DPYSL3: variants seen among roughly 807,000 people sequenced by gnomAD.
DPYSL3 encodes dihydropyrimidinase-related protein 3.
DPYSL3 carries 16 observed loss-of-function variants against 66.1 expected under a neutral mutation model. The ratio of observed to expected loss-of-function variants is 0.24; its 90% CI spans 0.16 to 0.37. DPYSL3 has a LOEUF of 0.37. Ranked by LOEUF, DPYSL3 falls within the 10% of genes least tolerant of loss-of-function variation. The probability of loss-of-function intolerance (pLI) is 1.00; values close to 1 mark genes in which losing one functional copy is unlikely to be tolerated. For missense variants in DPYSL3, 738 were observed against 916.2 expected (o/e 0.81, Z 2.51); for synonymous variants, 338 against 345.1 (o/e 0.98, Z 0.23).
At chr5:147,409,728 G>A (rs1044182487) in intron 6 of DPYSL3, among the ~76,000 whole-genome samples, 1 of 152,136 alleles carries the variant, frequency 6.6e-6, no homozygotes, top group African/African-American at 2.4e-5. Context: ...ATTAAGACTG[G>A]TCCCTATGAA....
At chr5:147,459,472 T>C (rs1268742022) in intron 1 of DPYSL3, among the ~76,000 whole-genome samples, 1 of 152,076 alleles carries the variant, frequency 6.6e-6, no homozygotes, top group African/African-American at 2.4e-5. Flanking sequence ...ACAAAGGAAA[T>C]CTCAGTCATG....
In DPYSL3 at chr5:147,509,061, C is replaced by G. The variant is rs1428511834; in HGVS notation, c.381+417G>C. Among the ~76,000 whole-genome samples, 8 of 152,148 alleles carry G rather than the reference C, an allele frequency of 5.3e-5. No individual in the cohort carries two copies. The highest frequency in any genetic ancestry group is 1.0e-4 in the Non-Finnish European group (7 of 68,032). ...CATATTCCCAGCATCACTTTGCCCT[C>G]TGCCGTGGTGACCCGGGTTGAGATT... On this transcript the variant is annotated intron_variant, in intron 1 of 13. Coordinates refer to ENST00000343218, the MANE Select transcript of DPYSL3 (RefSeq NM_001197294.2). The surrounding 1 kb of genome is among the most constrained non-coding windows in gnomAD (Gnocchi z 5.3).
intron 1 of DPYSL3, among the ~76,000 whole-genome samples, chr5:147,442,606 T>C (rs1752554387): frequency 6.6e-6 from 1 of 152,170 alleles, no homozygotes; most frequent in African/African-American, 2.4e-5. Flanking sequence ...AATAAATCTG[T>C]CATTTCATTT....
intron 6 of DPYSL3, among the ~76,000 whole-genome samples, chr5:147,409,551 A>C (rs1751802257): frequency 6.6e-6 from 1 of 152,238 alleles, no homozygotes; most frequent in Non-Finnish European, 1.5e-5. Context: ...GACATGGCAG[A>C]AGAAGTGCAT....
At chr5:147,411,453 A>T (rs1376893134) in intron 6 of DPYSL3, among the ~76,000 whole-genome samples, 1 of 152,170 alleles carries the variant, frequency 6.6e-6, no homozygotes, top group African/African-American at 2.4e-5. Context: ...CCACTGAGGT[A>T]TATCACCTTA....
intron 1 of DPYSL3, among the ~76,000 whole-genome samples, chr5:147,432,047 A>G (rs895463305): frequency 1.3e-5 from 2 of 152,168 alleles, no homozygotes; most frequent in African/African-American, 2.4e-5. Context: ...GAAATTGGGC[A>G]TAGTTTACCA....
At chr5:147,443,944 A>G (rs1231020048) in intron 1 of DPYSL3, among the ~76,000 whole-genome samples, 1 of 152,148 alleles carries the variant, frequency 6.6e-6, no homozygotes, top group Non-Finnish European at 1.5e-5. Flanking sequence ...GATGCCAAGC[A>G]GTGCTAAGGA....
rs545546742 is a variant in DPYSL3, at chr5:147,495,399, G to A, written c.381+14079C>T. Among the ~76,000 whole-genome samples, 3 of 152,282 alleles carry A rather than the reference G, an allele frequency of 2.0e-5. No individual in the cohort carries two copies. The East Asian group carries it at 5.8e-4, about 29-fold the overall frequency. Reference sequence around the variant, plus strand: ...CATAGTGTTGGAAGTTCTGGCCAGGGCAATTAGGCAGGAGAAGGAAATAAA... The same window carrying A: ...CATAGTGTTGGAAGTTCTGGCCAGGACAATTAGGCAGGAGAAGGAAATAAA... On this transcript the variant is annotated intron_variant, in intron 1 of 13. Coordinates refer to ENST00000343218, the MANE Select transcript of DPYSL3 (RefSeq NM_001197294.2).
chr5:147,501,213 AG>A (rs1395297492), intron 1 of DPYSL3, among the ~76,000 whole-genome samples: 1 of 152,210 alleles, frequency 6.6e-6, no homozygotes, highest in Non-Finnish European at 1.5e-5. Flanking sequence ...CAATCTGAAA[AG>A]TCTACATACT....
At chr5:147,437,304 C>T (rs536752931) in intron 1 of DPYSL3, among the ~76,000 whole-genome samples, 2 of 152,288 alleles carry the variant, frequency 1.3e-5, no homozygotes, top group African/African-American at 4.8e-5. Context: ...ATCTGAAAGC[C>T]CGCCAAAATG....
chr5:147,405,535 T>G (rs934175949), intron 8 of DPYSL3, 75 bp downstream of exon 8: 7 of 1,512,436 alleles, frequency 4.6e-6, no homozygotes, highest in Non-Finnish European at 6.2e-6. Flanking sequence ...CCATTTATAT[T>G]ACACAGGACA....
intron 1 of DPYSL3, among the ~76,000 whole-genome samples, chr5:147,439,217 A>G (rs970088594): frequency 1.3e-5 from 2 of 152,248 alleles, no homozygotes; most frequent in African/African-American, 4.8e-5. Context: ...AAGTTACTAA[A>G]TAAATAGCGT....
intron 1 of DPYSL3, among the ~76,000 whole-genome samples, chr5:147,440,041 G>A (rs1435114584): frequency 3.3e-5 from 5 of 152,174 alleles, no homozygotes; most frequent in East Asian, 1.9e-4. Flanking sequence ...AGCGGCTCAC[G>A]CCTGTAATCC....
At chr5:147,430,028 G>T (rs76398626) in intron 1 of DPYSL3, among the ~76,000 whole-genome samples, 1,831 of 152,236 alleles carry the variant, frequency 0.012, 39 homozygotes, top group African/African-American at 0.043. Context: ...CTTCACTAGG[G>T]TATGATACTG....
intron 12 of DPYSL3, among the ~76,000 whole-genome samples, chr5:147,396,325 G>A (rs545152669): frequency 3.4e-4 from 52 of 152,312 alleles, no homozygotes; most frequent in African/African-American, 1.3e-3. Flanking sequence ...CTTCCACCCA[G>A]CACATGCTCT....
chr5:147,508,920 G>A lies in DPYSL3; in HGVS notation c.381+558C>T, dbSNP rs373841534. ...AAGCGAGGCATAGAGAGAGATTCGC[G>A]TGTTTAGTCTAGAGGCTCCACACCC... On this transcript the variant is annotated intron_variant, in intron 1 of 13. Transcript: ENST00000343218. Among the ~76,000 whole-genome samples, 11 of 152,264 alleles carry A rather than the reference G, an allele frequency of 7.2e-5. No homozygotes were observed. In the East Asian group the frequency reaches 1.9e-3, roughly 27 times the overall value.
At chr5:147,502,571 C>CTTTT (rs71001435) in intron 1 of DPYSL3, among the ~76,000 whole-genome samples, 32 of 95,194 alleles carry the variant, frequency 3.4e-4, no homozygotes, top group East Asian at 1.8e-3. Context: ...CTTAATAATG[C>CTTTT]TTTTTTTTTT....
Position 147,393,909 on chromosome 5 carries a change from T to C in DPYSL3, c.*126A>G. 1 of 932,404 alleles carries C rather than the reference T, an allele frequency of 1.1e-6. No homozygotes were observed. The highest frequency in any genetic ancestry group is 1.7e-6 in the Non-Finnish European group (1 of 602,960). 57.8% of individuals were successfully genotyped at this position (932,404 alleles called of 1,614,324 possible). ...GCGTAACATTGGAGAAACATAAGGCTTGAGGCTTATTGATTCTTTAGATCA... is the reference window on the plus strand; with the variant it reads ...GCGTAACATTGGAGAAACATAAGGCCTGAGGCTTATTGATTCTTTAGATCA... On this transcript the variant is annotated 3_prime_UTR_variant, in exon 14 of 14. Transcript: ENST00000343218.
chr5:147,480,706 T>TATA (rs953765443), intron 1 of DPYSL3, among the ~76,000 whole-genome samples: 25 of 42,514 alleles, frequency 5.9e-4, no homozygotes, highest in East Asian at 1.6e-3. Flanking sequence ...TATATATATA[T>TATA]TATTATTATT....
Sources: gnomAD v4.1 joint callset for allele counts (sites outside exome capture counted in the v4.1 genomes callset) on GRCh38, gnomAD v4.1.1 for gene constraint, Gnocchi (gnomAD v3.1) non-coding constraint, MANE v1.5 for transcripts, NCBI Gene and HGNC (gene_info 2026-07-23, HGNC 2026-07-21) for gene names.